Variants in TEKT3 observed in about 807,000 individuals in gnomAD.
TEKT3 encodes the protein tektin 3.
In TEKT3, 49 loss-of-function variants were observed where a neutral mutation model predicts 49.8. The ratio of observed to expected loss-of-function variants is 0.98; its 90% CI spans 0.78 to 1.25. TEKT3 has a LOEUF of 1.25. Among genes scored for constraint, TEKT3 ranks in the 50% most tolerant of loss-of-function variants. TEKT3 has a pLI of 0.00. For missense variants in TEKT3, 595 were observed against 629.5 expected (o/e 0.95, Z 0.59); for synonymous variants, 225 against 237.2 (o/e 0.95, Z 0.47).
chr17:15,336,433 G>C (rs2150754549), intron 2 of TEKT3, among the ~76,000 whole-genome samples: 1 of 152,110 alleles, frequency 6.6e-6, no homozygotes, highest in East Asian at 1.9e-4. Flanking sequence ...GAATTCATCA[G>C]CAGCAGACCT....
intron 3 of TEKT3, among the ~76,000 whole-genome samples, chr17:15,329,427 A>C (rs1039029848): frequency 1.3e-5 from 2 of 152,210 alleles, no homozygotes; most frequent in African/African-American, 2.4e-5. Context: ...TTACTAAGAG[A>C]AGAAACTGAA....
At chr17:15,312,978 A>G (rs1202872471) in intron 6 of TEKT3, among the ~76,000 whole-genome samples, 1 of 152,204 alleles carries the variant, frequency 6.6e-6, no homozygotes, top group Non-Finnish European at 1.5e-5. Context: ...GAGGGTAAAG[A>G]GGCAACACAA....
Position 15,304,206 on chromosome 17 carries a change from C to G in TEKT3, c.1257-54G>C. On this transcript the variant is annotated intron_variant, in intron 8 of 8. Transcript: ENST00000395930. The surrounding 1 kb of genome is among the most constrained non-coding windows in gnomAD (Gnocchi z 4.7). ...GGTCAGCATGTAGCTTACGCAACTCCAAGTACATCACATTGTAACCAGCGA... is the reference window on the plus strand; with the variant it reads ...GGTCAGCATGTAGCTTACGCAACTCGAAGTACATCACATTGTAACCAGCGA... 6.4e-7 allele frequency: 1 copy of G among 1,564,054 alleles called. No homozygotes were observed. The highest frequency in any genetic ancestry group is 1.1e-5 in the South Asian group (1 of 89,488).
chr17:15,316,979 A>G (rs910454539), intron 5 of TEKT3, among the ~76,000 whole-genome samples: 42 of 152,204 alleles, frequency 2.8e-4, no homozygotes, highest in African/African-American at 9.9e-4. Context: ...GTTAGTGCCT[A>G]ATGAGATTCT....
intron 5 of TEKT3, among the ~76,000 whole-genome samples, chr17:15,316,839 T>G (rs1353066622): frequency 6.6e-6 from 1 of 152,188 alleles, no homozygotes; most frequent in African/African-American, 2.4e-5. Context: ...ATGGGTGATT[T>G]TTATGACTTT....
intron 4 of TEKT3, among the ~76,000 whole-genome samples, chr17:15,322,604 C>T (rs1911313716): frequency 1.3e-5 from 2 of 152,184 alleles, no homozygotes; most frequent in Non-Finnish European, 2.9e-5. Flanking sequence ...AAAATCATTA[C>T]TTGGATGTCC....
chr17:15,331,816 T>G (rs1420085607), intron 2 of TEKT3, among the ~76,000 whole-genome samples: 2 of 152,188 alleles, frequency 1.3e-5, no homozygotes, highest in African/African-American at 2.4e-5. Flanking sequence ...CTCTAGAATG[T>G]ATAAAGATCA....
Position 15,312,491 on chromosome 17 carries a change from A to G in TEKT3, c.879-10T>C. 1 of 1,611,458 alleles carries G rather than the reference A, an allele frequency of 6.2e-7. No homozygotes were observed. Among genetic ancestry groups the G allele is most frequent in the Non-Finnish European group, 8.5e-7 (1 of 1,177,854 alleles). ...CTCAGGCACTGAGACACTGAAAAAG[A>G]GAAGCAGAAGCAGACAACAGTGAGA... is the stretch of plus-strand genomic sequence containing the variant. On this transcript the variant is annotated splice_polypyrimidine_tract_variant and intron_variant, in intron 6 of 8. Transcript: ENST00000395930.
rs1244185660 is a variant in TEKT3 at position 15,327,409 on chromosome 17, G to T, written c.663+583C>A. 2.0e-5 allele frequency among the ~76,000 whole-genome samples: 3 copies of T among 152,010 alleles called. No individual in the cohort carries two copies. The East Asian group carries it at 5.8e-4, about 29-fold the overall frequency. On this transcript the variant is annotated intron_variant, in intron 4 of 8. Transcript: ENST00000395930. ...CAGGTGCCTGTAATCCCAGCTACTT[G>T]GGAGGCTGAGGCAGGAGAATTGCTT...
chr17:15,325,428 T>C (rs1018842496), intron 4 of TEKT3, among the ~76,000 whole-genome samples: 2 of 152,188 alleles, frequency 1.3e-5, no homozygotes, highest in African/African-American at 4.8e-5. Context: ...CTTTAATTTC[T>C]TTCAGCAATA....
rs756705563 is a variant in TEKT3 at position 15,331,282 on chromosome 17, A to T, written c.304T>A (p.Ser102Thr). The change falls in exon 3 of 9, where the codon TCC becomes ACC. Residue 102 changes from serine to threonine, a missense_variant. Physicochemically the swap from Ser to Thr is moderately conservative, Grantham distance 58. Coordinates refer to ENST00000395930, the MANE Select transcript of TEKT3 (RefSeq NM_031898.3). ...TRYTPDDWYR[S>T]NLTNYQESNT... ...GACTCTTGATAGTTGGTTAAATTGG[A>T]CCTGTACCAGTCATCCGGTGTGTAT... 7.4e-6 allele frequency: 12 copies of T among 1,614,034 alleles called. No homozygotes were observed. Among genetic ancestry groups the T allele is most frequent in the Non-Finnish European group, 8.5e-7 (1 of 1,180,038 alleles).
chr17:15,303,819 A>C lies in TEKT3; in HGVS notation c.*117T>G. The C allele has an allele frequency of 2.0e-6, 2 of 996,430 alleles. No individual in the cohort carries two copies. Among genetic ancestry groups the C allele is most frequent in the Non-Finnish European group, 3.0e-6 (2 of 660,864 alleles). The allele number at this position is 996,430 out of a possible 1,614,324, so 61.7% of individuals were successfully genotyped here. ...GCTTTCCGAGACAGGAGGTTGGTAC[A>C]TTTCCATCAGCATAATCCTTTAATA... On this transcript the variant is annotated 3_prime_UTR_variant, in exon 9 of 9. Transcript: ENST00000395930.
At chr17:15,327,902 A>T in intron 4 of TEKT3, 90 bp downstream of exon 4, 1 of 1,135,132 alleles carries the variant, frequency 8.8e-7, no homozygotes, top group Non-Finnish European at 1.3e-6. Flanking sequence ...CTTATAAGTC[A>T]TTTTATGTAA....
chr17:15,312,188 A>C, intron 7 of TEKT3, 71 bp downstream of exon 7: 5 of 1,448,592 alleles, frequency 3.5e-6, no homozygotes, highest in Non-Finnish European at 4.8e-6. Flanking sequence ...GGGAGTGGTG[A>C]GAGATTTGTA....
At chr17:15,323,898 G>T (rs573499829) in intron 4 of TEKT3, among the ~76,000 whole-genome samples, 4 of 152,182 alleles carry the variant, frequency 2.6e-5, no homozygotes, top group Non-Finnish European at 5.9e-5. Flanking sequence ...AACCTCTAAT[G>T]CAGTGGTTCT....
chr17:15,328,107 T>C, intron 3 of TEKT3, 32 bp from the exon 4 acceptor site: 1 of 1,586,098 alleles, frequency 6.3e-7, no homozygotes, highest in South Asian at 1.1e-5. Flanking sequence ...AAAGCACTAA[T>C]AAAAACTGAC....
At chr17:15,338,629 A>C (rs1443655264) in intron 2 of TEKT3, 1 of 145,616 alleles carries the variant, frequency 6.9e-6, no homozygotes, top group Non-Finnish European at 1.5e-5. Flanking sequence ...CTCAGCCTCC[A>C]GCGTAGCTGG....
chr17:15,308,958 A>C, intron 7 of TEKT3, 140 bp from the exon 8 acceptor site: 2 of 1,049,592 alleles, frequency 1.9e-6, no homozygotes, highest in Non-Finnish European at 2.8e-6. Context: ...AAGACCGTCT[A>C]TCCTTTCCAG....
chr17:15,308,173 C>A (rs2150732382), intron 8 of TEKT3, among the ~76,000 whole-genome samples: 1 of 152,224 alleles, frequency 6.6e-6, no homozygotes, highest in South Asian at 2.1e-4. Flanking sequence ...CTGAAAGTCC[C>A]TTTTCTGTCG....
Sources: allele counts gnomAD v4.1 joint callset (sites outside exome capture counted in the v4.1 genomes callset), GRCh38; gene constraint gnomAD v4.1.1; non-coding constraint Gnocchi (gnomAD v3.1); transcripts MANE v1.5; gene names NCBI Gene and HGNC (gene_info 2026-07-23, HGNC 2026-07-21).